NT5DC1: variants seen among roughly 807,000 people sequenced by gnomAD.
NT5DC1 encodes the protein 5'-nucleotidase domain-containing protein 1.
Under a neutral mutation model 59.4 loss-of-function variants are expected in NT5DC1, and 42 were observed. The observed-to-expected ratio is 0.71, with a 90% confidence interval of 0.55 to 0.92. The LOEUF is 0.92. Among genes scored for constraint, NT5DC1 ranks in the 40% least tolerant of loss-of-function variants. NT5DC1 has a pLI of 0.00. For synonymous variants in NT5DC1, 172 were observed against 188.1 expected (o/e 0.91, Z 0.70); for missense variants, 501 against 537.1 (o/e 0.93, Z 0.66).
At chr6:116,137,316 TAGGGTGC>T (rs1472052873) in intron 6 of NT5DC1, 2 of 162,384 alleles carry the variant, frequency 1.2e-5, no homozygotes, top group Non-Finnish European at 2.8e-5. Flanking sequence ...ATACTTGGCA[TAGGGTGC>T]AGGGTAATCC....
At chr6:116,205,754 T>A (rs1210355) in intron 6 of NT5DC1, among the ~76,000 whole-genome samples, 64,631 of 151,920 alleles carry the variant, frequency 0.43, 17,723 homozygotes, top group African/African-American at 0.78. Flanking sequence ...AAGGCTGTAA[T>A]ATGTCTTAAT....
At chr6:116,243,065 C>T (rs17077714) in intron 11 of NT5DC1, among the ~76,000 whole-genome samples, 3,730 of 152,224 alleles carry the variant, frequency 0.025, 143 homozygotes, top group African/African-American at 0.084. Context: ...ACTTCAGTCT[C>T]GTGTTTATAT....
chr6:116,206,269 C>T (rs555051621), intron 6 of NT5DC1, among the ~76,000 whole-genome samples: 1 of 152,086 alleles, frequency 6.6e-6, no homozygotes, highest in Non-Finnish European at 1.5e-5. Flanking sequence ...GTAAAAATAG[C>T]TCTAACACAA....
intron 6 of NT5DC1, among the ~76,000 whole-genome samples, chr6:116,194,851 T>G (rs1423484762): frequency 1.3e-5 from 2 of 152,028 alleles, no homozygotes; most frequent in Admixed American, 6.6e-5. Context: ...CTCTACATAC[T>G]GTTGTAATAT....
chr6:116,119,765 T>G (rs888498389), intron 6 of NT5DC1: 9 of 250,646 alleles, frequency 3.6e-5, no homozygotes, highest in Admixed American at 2.0e-4. Context: ...TAATTTTTTT[T>G]TTGTTGTTTG....
At chr6:116,145,126 A>G (rs1016229403) in intron 6 of NT5DC1, among the ~76,000 whole-genome samples, 2 of 152,182 alleles carry the variant, frequency 1.3e-5, no homozygotes, top group African/African-American at 4.8e-5. Context: ...GTCTTGAAGC[A>G]TTATAATAGA....
intron 6 of NT5DC1, among the ~76,000 whole-genome samples, chr6:116,186,179 G>A (rs1222134274): frequency 2.0e-5 from 3 of 151,976 alleles, no homozygotes; most frequent in African/African-American, 7.2e-5. Flanking sequence ...TTTTGTTTAA[G>A]GAGAACAAAG....
intron 6 of NT5DC1, chr6:116,120,956 T>C: frequency 6.2e-7 from 1 of 1,613,560 alleles, no homozygotes. Context: ...GTACCCTGGT[T>C]TTCCATCTGA....
chr6:116,102,886 G>T (rs935046290), intron 1 of NT5DC1, among the ~76,000 whole-genome samples: 1 of 152,198 alleles, frequency 6.6e-6, no homozygotes, highest in Admixed American at 6.5e-5. Context: ...CTTGCTTCAC[G>T]CTGCCAACAG....
Position 116,204,849 on chromosome 6 carries a change from T to A in NT5DC1, c.530-16205T>A, listed in dbSNP as rs919793420. Among the ~76,000 whole-genome samples, 4 of 152,014 alleles carry A rather than the reference T, an allele frequency of 2.6e-5. No homozygotes were observed. In the East Asian group the frequency reaches 7.8e-4, roughly 29 times the overall value. ...ATAGTGTGTAGTAGGTGCTCAGTAA[T>A]TATTTGTTATAATTACATGGCTAGA... On this transcript the variant is annotated intron_variant, in intron 6 of 11. Coordinates refer to ENST00000319550, the MANE Select transcript of NT5DC1 (RefSeq NM_152729.3).
chr6:116,104,807 T>A (rs1012701342), intron 1 of NT5DC1, among the ~76,000 whole-genome samples: 2 of 152,196 alleles, frequency 1.3e-5, no homozygotes, highest in Non-Finnish European at 2.9e-5. Flanking sequence ...TAGTACTTTG[T>A]ACCACAGGGT....
intron 1 of NT5DC1, 117 bp from the exon 2 acceptor site, chr6:116,106,127 A>G (rs1340471283): frequency 5.6e-6 from 4 of 715,754 alleles, no homozygotes; most frequent in Admixed American, 2.2e-5. Flanking sequence ...ACAATTACAG[A>G]TATTTCCTTC....
At chr6:116,136,827 C>T (rs944801338) in intron 6 of NT5DC1, among the ~76,000 whole-genome samples, 5 of 152,084 alleles carry the variant, frequency 3.3e-5, no homozygotes, top group South Asian at 2.1e-4. Flanking sequence ...GATTCAGATA[C>T]GAAACAGAAT....
At chr6:116,119,349 T>C (rs1350493319) in intron 6 of NT5DC1, 1 of 152,430 alleles carries the variant, frequency 6.6e-6, no homozygotes, top group Non-Finnish European at 1.5e-5. Context: ...GATACCTGTT[T>C]CCAAGTTATG....
chr6:116,190,762 C>T (rs1384879093), intron 6 of NT5DC1, among the ~76,000 whole-genome samples: 1 of 151,944 alleles, frequency 6.6e-6, no homozygotes, highest in Non-Finnish European at 1.5e-5. Flanking sequence ...GTATGTAAAA[C>T]GTCTGGAAAG....
intron 8 of NT5DC1, among the ~76,000 whole-genome samples, chr6:116,235,042 T>G (rs1486276610): frequency 1.8e-4 from 28 of 151,434 alleles, no homozygotes; most frequent in East Asian, 1.7e-3. Context: ...TGGGTTTTTT[T>G]TTTTTTTTTT....
rs1771897549 is a variant in NT5DC1 at position 116,249,012 on chromosome 6, A to G, written c.*4988A>G. ...ATAAACCAAGTGTAGGAAAAATGAC[A>G]TTTTCTGATTACATCCAGAACAGGC... On this transcript the variant is annotated 3_prime_UTR_variant, in exon 12 of 12. Transcript: ENST00000319550. The G allele has an allele frequency of 6.9e-6, 1 of 144,250 alleles. No homozygotes were observed. The highest frequency in any genetic ancestry group is 1.6e-5 in the Non-Finnish European group (1 of 62,900). 8.9% of individuals were successfully genotyped at this position (144,250 alleles called of 1,614,324 possible). A position where few individuals can be genotyped will look rare whatever the true frequency, so the allele number is the denominator to read the frequency against.
rs1408894196 is a variant in NT5DC1 at position 116,159,261 on chromosome 6, C to T, written c.529+41316C>T. Among the ~76,000 whole-genome samples the T allele has an allele frequency of 6.6e-5, 10 of 151,828 alleles. No individual in the cohort carries two copies. In the East Asian group the frequency reaches 1.4e-3, roughly 21 times the overall value. Reference sequence around the variant, plus strand: ...TACTCCTTTTAAAAATTGATTTCACCGTATGAGGTTTATTCTTATCAAAAA... The same window carrying T: ...TACTCCTTTTAAAAATTGATTTCACTGTATGAGGTTTATTCTTATCAAAAA... On this transcript the variant is annotated intron_variant, in intron 6 of 11. Coordinates refer to ENST00000319550, the MANE Select transcript of NT5DC1 (RefSeq NM_152729.3).
Position 116,240,919 on chromosome 6 carries a change from G to A in NT5DC1, c.1252+1796G>A, listed in dbSNP as rs545200460. ...AGCACTTTGGGAGGCCGAGGTGGGCGGATCACCTGAAGTCAGGAGTTTGAG... is the reference window on the plus strand; with the variant it reads ...AGCACTTTGGGAGGCCGAGGTGGGCAGATCACCTGAAGTCAGGAGTTTGAG... On this transcript the variant is annotated intron_variant, in intron 11 of 11. Transcript: ENST00000319550. 5.3e-5 allele frequency among the ~76,000 whole-genome samples: 8 copies of A among 152,256 alleles called. No homozygotes were observed. In the South Asian group the frequency reaches 6.2e-4, roughly 12 times the overall value.
Sources: allele counts gnomAD v4.1 joint callset (sites outside exome capture counted in the v4.1 genomes callset), GRCh38; gene constraint gnomAD v4.1.1; transcripts MANE v1.5; gene names NCBI Gene and HGNC (gene_info 2026-07-23, HGNC 2026-07-21).